Variants in FOXP2 observed in about 807,000 individuals in gnomAD.
The protein encoded by FOXP2 is forkhead box protein P2.
A neutral mutation model predicts 115.8 loss-of-function variants in FOXP2; 12 were observed. The ratio of observed to expected loss-of-function variants is 0.10; its 90% confidence interval spans 0.07 to 0.17. The LOEUF (loss-of-function observed/expected upper bound fraction) is 0.17, where lower values mean the gene tolerates loss of function less well. FOXP2 is among the 10% of genes least tolerant of loss of function. FOXP2 has a pLI of 1.00. For missense variants in FOXP2, 629 were observed against 843.5 expected, an observed-to-expected ratio of 0.75 and a Z score of 3.15; for synonymous variants, 328 against 297.7, an observed-to-expected ratio of 1.10 and a Z score of -1.05.
chr7:114,503,323 A>T (rs1415869064), intron 2 of FOXP2, among the ~76,000 whole-genome samples: 3 of 151,722 alleles, frequency 2.0e-5, no homozygotes, highest in East Asian at 1.9e-4. Flanking sequence ...AGATTTTAAA[A>T]TTTTTTTATT....
chr7:114,592,992 C>T (rs957158931), intron 3 of FOXP2, among the ~76,000 whole-genome samples: 6 of 151,816 alleles, frequency 4.0e-5, no homozygotes, highest in Admixed American at 6.6e-5. Context: ...TTTCAGTACC[C>T]GTATTCACAC....
intron 1 of FOXP2, among the ~76,000 whole-genome samples, chr7:114,223,566 T>C (rs1389557348): frequency 6.7e-6 from 1 of 148,706 alleles, no homozygotes; most frequent in Non-Finnish European, 1.5e-5. Context: ...ATAGCCAACA[T>C]ATTATACCAG....
chr7:114,481,174 A>T (rs1796519362), intron 2 of FOXP2, among the ~76,000 whole-genome samples: 1 of 151,292 alleles, frequency 6.6e-6, no homozygotes, highest in South Asian at 2.1e-4. Context: ...TTATGTGTAT[A>T]TAAAATTGCA....
chr7:114,570,992 C>A, intron 3 of FOXP2: 1 of 907,006 alleles, frequency 1.1e-6, no homozygotes, highest in Non-Finnish European at 1.8e-6. Context: ...TCCATTGGTG[C>A]AGATAATCAA....
At chr7:114,666,695 A>C (rs1807178282) in intron 16 of FOXP2, 1 of 152,144 alleles carries the variant, frequency 6.6e-6, no homozygotes, top group Non-Finnish European at 1.5e-5. Context: ...AAACAAGAGG[A>C]AATAGGGCCT....
At chr7:114,312,960 AC>A (rs1797182363) in intron 2 of FOXP2, among the ~76,000 whole-genome samples, 1 of 152,172 alleles carries the variant, frequency 6.6e-6, no homozygotes, top group Non-Finnish European at 1.5e-5. Flanking sequence ...CCCATGGAGA[AC>A]CCATCAAAAG....
chr7:114,280,654 GTAA>G (rs1230056212), intron 1 of FOXP2, among the ~76,000 whole-genome samples: 17 of 151,996 alleles, frequency 1.1e-4, no homozygotes, highest in African/African-American at 2.9e-4. Flanking sequence ...TTTATTGCCA[GTAA>G]TATTTTATAA....
At chr7:114,182,321 T>C (rs1385750069) in intron 1 of FOXP2, among the ~76,000 whole-genome samples, 2 of 152,044 alleles carry the variant, frequency 1.3e-5, no homozygotes, top group Non-Finnish European at 2.9e-5. Flanking sequence ...TAGTACTAGG[T>C]TCAATACTGT....
intron 8 of FOXP2, chr7:114,645,705 C>G (rs928356609): frequency 6.6e-6 from 1 of 151,950 alleles, no homozygotes; most frequent in African/African-American, 2.4e-5. Context: ...GCTTTGTTGC[C>G]AGGATGTTGG....
chr7:114,088,311 G>C (rs1270755889), intron 1 of FOXP2: 1 of 152,568 alleles, frequency 6.6e-6, no homozygotes, highest in Non-Finnish European at 1.5e-5. Flanking sequence ...AGGGTACGAA[G>C]GACCTGTGGG....
upstream of FOXP2, among the ~76,000 whole-genome samples, chr7:114,086,920 A>G (rs984810124): frequency 1.3e-5 from 2 of 152,148 alleles, no homozygotes; most frequent in Non-Finnish European, 2.9e-5. Flanking sequence ...GATGATTTTT[A>G]GTTTGGATAA....
At chr7:114,582,224 A>G (rs1337017940) in intron 3 of FOXP2, among the ~76,000 whole-genome samples, 3 of 152,158 alleles carry the variant, frequency 2.0e-5, no homozygotes, top group Non-Finnish European at 4.4e-5. Flanking sequence ...ATAGAAACCC[A>G]CTTTCATCTG....
chr7:114,671,786 T>C (rs973457378), intron 16 of FOXP2, among the ~76,000 whole-genome samples: 4 of 152,180 alleles, frequency 2.6e-5, no homozygotes, highest in Non-Finnish European at 5.9e-5. Flanking sequence ...ATTTAATAAA[T>C]AAAGAGACTT....
intron 2 of FOXP2, among the ~76,000 whole-genome samples, chr7:114,307,831 T>C (rs191382817): frequency 3.2e-4 from 49 of 152,266 alleles, no homozygotes; most frequent in Admixed American, 2.8e-3. Context: ...CACAACAAAG[T>C]AGTTTAGGTC....
chr7:114,188,475 T>G (rs1208164584), intron 1 of FOXP2, among the ~76,000 whole-genome samples: 1 of 152,226 alleles, frequency 6.6e-6, no homozygotes, highest in Non-Finnish European at 1.5e-5. Context: ...AAATAATGTC[T>G]TATCTATGAG....
chr7:114,393,196 G>A (rs1410123807), intron 2 of FOXP2, among the ~76,000 whole-genome samples: 2 of 150,098 alleles, frequency 1.3e-5, no homozygotes, highest in African/African-American at 4.9e-5. Context: ...AGCCAAAGTA[G>A]TTATAATATT....
At chr7:114,131,467 ACC>A (rs1304404121) in intron 1 of FOXP2, among the ~76,000 whole-genome samples, 16 of 152,170 alleles carry the variant, frequency 1.1e-4, no homozygotes, top group African/African-American at 3.4e-4. Context: ...GTAAAAGGTT[ACC>A]GGGACAATGT....
chr7:114,141,966 C>T (rs1244464263), intron 1 of FOXP2, among the ~76,000 whole-genome samples: 3 of 152,132 alleles, frequency 2.0e-5, no homozygotes, highest in African/African-American at 2.4e-5. Flanking sequence ...GTTCTTTCCC[C>T]GCTGCTCACT....
chr7:114,496,383 T>A lies in FOXP2; in HGVS notation c.169-38234T>A, dbSNP rs531088991. On this transcript the variant is annotated intron_variant, in intron 2 of 16. Transcript: ENST00000350908. ...AGAAATTATTCACAAAAAATTAAAATCTAATTAAATTAGACTTGTAAGGAT... is the reference window on the plus strand; with the variant it reads ...AGAAATTATTCACAAAAAATTAAAAACTAATTAAATTAGACTTGTAAGGAT... Among the ~76,000 whole-genome samples, 4 of 152,242 alleles carry A rather than the reference T, an allele frequency of 2.6e-5. No homozygotes were observed. In the East Asian group the frequency reaches 7.7e-4, roughly 29 times the overall value.
Sources: allele counts gnomAD v4.1 joint callset (sites outside exome capture counted in the v4.1 genomes callset), GRCh38; gene constraint gnomAD v4.1.1; transcripts MANE v1.5; gene names NCBI Gene and HGNC (gene_info 2026-07-23, HGNC 2026-07-21).